Variants in ZNF385B observed in about 807,000 individuals in gnomAD.
The protein encoded by ZNF385B is zinc finger protein 385B.
ZNF385B carries 23 observed loss-of-function variants against 39.2 expected under a neutral mutation model. The observed-to-expected ratio is 0.59, with a 90% CI of 0.42 to 0.83. The LOEUF is 0.83. ZNF385B is among the 40% of genes least tolerant of loss of function. The pLI is 0.00. For missense variants in ZNF385B, 552 were observed against 598.9 expected (o/e 0.92, Z 0.82); for synonymous variants, 205 against 222.6 (o/e 0.92, Z 0.70).
chr2:179,493,745 A>G (rs1574435975), intron 5 of ZNF385B, among the ~76,000 whole-genome samples: 1 of 142,188 alleles, frequency 7.0e-6, no homozygotes. Context: ...ATGTATACAT[A>G]TGTGTATATA....
At chr2:179,455,617 G>A (rs115230028) in intron 6 of ZNF385B, among the ~76,000 whole-genome samples, 18,183 of 151,960 alleles carry the variant, frequency 0.12, 1,429 homozygotes, top group East Asian at 0.33. Context: ...TCGGCCAGGC[G>A]CAGTGGCTCA....
At chr2:179,676,471 A>G (rs568228788) in intron 3 of ZNF385B, among the ~76,000 whole-genome samples, 4,411 of 151,202 alleles carry the variant, frequency 0.029, 221 homozygotes, top group African/African-American at 0.1. Context: ...TAATCTGCCC[A>G]CCTTGGCCTC....
intron 1 of ZNF385B, among the ~76,000 whole-genome samples, chr2:179,811,622 C>G (rs1259649475): frequency 1.3e-5 from 2 of 152,078 alleles, no homozygotes; most frequent in African/African-American, 4.8e-5. Flanking sequence ...AACTAGACCT[C>G]TACATTTTAA....
intron 5 of ZNF385B, among the ~76,000 whole-genome samples, chr2:179,484,520 T>C (rs1270045683): frequency 6.6e-6 from 1 of 152,066 alleles, no homozygotes; most frequent in Non-Finnish European, 1.5e-5. Flanking sequence ...TATACTTGTA[T>C]GTGTTTGAAG....
chr2:179,464,537 G>A (rs536559121), intron 6 of ZNF385B, among the ~76,000 whole-genome samples: 1 of 152,176 alleles, frequency 6.6e-6, no homozygotes, highest in African/African-American at 2.4e-5. Context: ...AAGGTGTAAG[G>A]AAGGGGTCCA....
At position 179,713,861 on chromosome 2, in the gene ZNF385B, G is replaced by T. The variant is rs1700158459; in HGVS notation, c.298+55642C>A. Among the ~76,000 whole-genome samples the T allele has an allele frequency of 3.9e-5, 6 of 152,314 alleles. No individual in the cohort carries two copies. In the South Asian group the frequency reaches 1.2e-3, roughly 32 times the overall value. ...ATCTTTATATTGGTCCACTCACAGTGTAAGAATTTTCTTGTAATTCCAGTC... is the reference window on the plus strand; with the variant it reads ...ATCTTTATATTGGTCCACTCACAGTTTAAGAATTTTCTTGTAATTCCAGTC... On this transcript the variant is annotated intron_variant, in intron 3 of 9. Transcript: ENST00000410066.
intron 6 of ZNF385B, among the ~76,000 whole-genome samples, chr2:179,451,577 CAGAT>C (rs1194351110): frequency 6.6e-6 from 1 of 151,834 alleles, no homozygotes; most frequent in African/African-American, 2.4e-5. Flanking sequence ...TTTTTTTTCT[CAGAT>C]AGGCCAGAGT....
intron 3 of ZNF385B, among the ~76,000 whole-genome samples, chr2:179,765,931 G>A (rs577005560): frequency 2.8e-4 from 43 of 151,726 alleles, no homozygotes; most frequent in African/African-American, 9.9e-4. Context: ...CTCTTTCACC[G>A]CCCAGAGTAT....
chr2:179,520,387 A>G (rs2058398715), intron 4 of ZNF385B, among the ~76,000 whole-genome samples: 1 of 152,130 alleles, frequency 6.6e-6, no homozygotes, highest in Admixed American at 6.5e-5. Flanking sequence ...AAATCTAGGG[A>G]TTCATACTGT....
chr2:179,798,645 A>AC (rs1269287650), intron 1 of ZNF385B, among the ~76,000 whole-genome samples: 1 of 151,860 alleles, frequency 6.6e-6, no homozygotes, highest in Non-Finnish European at 1.5e-5. Flanking sequence ...CCCCAATAAC[A>AC]CACTCACTGT....
At chr2:179,606,312 G>A (rs925668956) in intron 3 of ZNF385B, among the ~76,000 whole-genome samples, 5 of 152,106 alleles carry the variant, frequency 3.3e-5, no homozygotes, top group East Asian at 1.9e-4. Flanking sequence ...ATCACGTGCC[G>A]ACATTTCTAA....
At chr2:179,850,273 A>G (rs865847382) in intron 1 of ZNF385B, among the ~76,000 whole-genome samples, 1 of 152,278 alleles carries the variant, frequency 6.6e-6, no homozygotes, top group African/African-American at 2.4e-5. Flanking sequence ...GACAGATTGT[A>G]GCAATCAGCT....
intron 3 of ZNF385B, among the ~76,000 whole-genome samples, chr2:179,568,393 A>G (rs1214132886): frequency 6.6e-6 from 1 of 152,238 alleles, no homozygotes; most frequent in Non-Finnish European, 1.5e-5. Flanking sequence ...ACAGGGATAA[A>G]AACTATATTC....
rs1708504023 is a variant in ZNF385B at position 179,840,947 on chromosome 2, T to C, written c.-155+20154A>G. Among the ~76,000 whole-genome samples, 3 of 152,256 alleles carry C rather than the reference T, an allele frequency of 2.0e-5. No individual in the cohort carries two copies. In the South Asian group the frequency reaches 6.2e-4, roughly 31 times the overall value. ...TTCTGAGCTTTAAAGAATGCTTACA[T>C]GACTTGGGAATTCCTAGAGAGAAGT... On this transcript the variant is annotated intron_variant, in intron 1 of 9. Transcript: ENST00000410066.
chr2:179,695,891 A>G (rs1040318396), intron 3 of ZNF385B, among the ~76,000 whole-genome samples: 1 of 152,244 alleles, frequency 6.6e-6, no homozygotes, highest in Non-Finnish European at 1.5e-5. Context: ...TATGTATACA[A>G]AATGTGGTAT....
chr2:179,590,835 C>A lies in ZNF385B; in HGVS notation c.299-45866G>T, dbSNP rs542254422. ...ATGTCCCTTACACACCCCTTGCCTT[C>A]CACCATGATTGTAAGTTTCCTGAGG... On this transcript the variant is annotated intron_variant, in intron 3 of 9. Transcript: ENST00000410066. Among the ~76,000 whole-genome samples the A allele has an allele frequency of 3.3e-4, 50 of 152,238 alleles. No homozygotes were observed. In the South Asian group the frequency reaches 1.0e-2, roughly 30 times the overall value.
chr2:179,796,988 T>C (rs1705703860), intron 1 of ZNF385B, among the ~76,000 whole-genome samples: 1 of 152,196 alleles, frequency 6.6e-6, no homozygotes, highest in Admixed American at 6.5e-5. Flanking sequence ...CTAGAGCAAC[T>C]GTCTGGCACA....
In ZNF385B at chr2:179,634,753, C is replaced by T. The variant is rs1466607999; in HGVS notation, c.299-89784G>A. ...ATGCTAGTATAAAGACACATGCACA[C>T]GTATGTTTATTGCGCCACTATTCAC... is the stretch of plus-strand genomic sequence containing the variant. On this transcript the variant is annotated intron_variant, in intron 3 of 9. Transcript: ENST00000410066. Among the ~76,000 whole-genome samples the T allele has an allele frequency of 6.6e-5, 10 of 152,094 alleles. No homozygotes were observed. The East Asian group carries it at 7.7e-4, about 12-fold the overall frequency.
rs190093674 is a variant in ZNF385B at position 179,778,785 on chromosome 2, A to T, written c.-154-8113T>A. ...AAATTTTGGAAAATACAAACAACAT[A>T]AAAAAGATTGGAGAAAAATCTTCCA... On this transcript the variant is annotated intron_variant, in intron 1 of 9. Coordinates refer to ENST00000410066, the MANE Select transcript of ZNF385B (RefSeq NM_152520.6). 3.7e-3 allele frequency among the ~76,000 whole-genome samples: 565 copies of T among 152,304 alleles called. 5 individuals carry two copies. The highest frequency in any genetic ancestry group is 0.013 in the African/African-American group (535 of 41,560).
Sources: gnomAD v4.1 joint callset for allele counts (sites outside exome capture counted in the v4.1 genomes callset) on GRCh38, gnomAD v4.1.1 for gene constraint, MANE v1.5 for transcripts, NCBI Gene and HGNC (gene_info 2026-07-23, HGNC 2026-07-21) for gene names.